Variants in LIG1 observed in about 807,000 individuals in gnomAD.
LIG1 encodes the protein DNA ligase 1.
In LIG1, 70 loss-of-function variants were observed where a neutral mutation model predicts 115.7. The observed-to-expected ratio is 0.60, with a 90% CI of 0.50 to 0.74. The LOEUF (loss-of-function observed/expected upper bound fraction) is 0.74, where lower values mean the gene tolerates loss of function less well. LIG1 is among the 30% of genes least tolerant of loss of function. The probability of loss-of-function intolerance (pLI) is 0.00; values close to 1 mark genes in which losing one functional copy is unlikely to be tolerated. For missense variants in LIG1, 1,115 were observed against 1,225.6 expected, an observed-to-expected ratio of 0.91 and a Z score of 1.35; for synonymous variants, 487 against 495.3, an observed-to-expected ratio of 0.98 and a Z score of 0.22.
chr19:48,137,201 A>AT lies in LIG1; in HGVS notation c.1255-118dup. On this transcript the variant is annotated intron_variant, in intron 13 of 27. Coordinates refer to ENST00000263274, the MANE Select transcript of LIG1 (RefSeq NM_000234.3). The surrounding 1 kb of genome is among the most constrained non-coding windows in gnomAD (Gnocchi z 4.3). The stretch of plus-strand genomic sequence containing the variant: ...ATACCTGCCCTCCTTCCCTCACCCC[A>AT]TCCCCATGTCCCAGCTCCCATGGCC... 1 of 899,764 alleles carries AT rather than the reference A, an allele frequency of 1.1e-6. No homozygotes were observed. The highest frequency in any genetic ancestry group is 1.4e-5 in the South Asian group (1 of 69,768). The allele number at this position is 899,764 out of a possible 1,614,324, so 55.7% of individuals were successfully genotyped here.
rs979142743 is a variant in LIG1, at chr19:48,137,407, T to A, written c.1254+115A>T. 8 of 1,328,804 alleles carry A rather than the reference T, an allele frequency of 6.0e-6. No individual in the cohort carries two copies. Among genetic ancestry groups the A allele is most frequent in the Non-Finnish European group, 8.4e-6 (8 of 958,076 alleles). The allele number at this position is 1,328,804 out of a possible 1,614,324, so 82.3% of individuals were successfully genotyped here. A position where few individuals can be genotyped will look rare whatever the true frequency, so the allele number is the denominator to read the frequency against. ...GGAGGAGAGGAAGCTGTGCACCCCA[T>A]GAGAAGGACTGATGCGACCCAGCTG... On this transcript the variant is annotated intron_variant, in intron 13 of 27. Transcript: ENST00000263274. The surrounding 1 kb of genome is among the most constrained non-coding windows in gnomAD (Gnocchi z 4.3).
intron 1 of LIG1, 46 bp from the exon 2 acceptor site, chr19:48,165,669 A>G: frequency 1.5e-6 from 2 of 1,357,850 alleles, no homozygotes; most frequent in Non-Finnish European, 2.1e-6. Flanking sequence ...GGTTGTGCAG[A>G]GATCTAAACA....
chr19:48,123,375 A>G, intron 21 of LIG1, 57 bp from the exon 22 acceptor site: 1 of 1,593,080 alleles, frequency 6.3e-7, no homozygotes, highest in Non-Finnish European at 8.5e-7. Flanking sequence ...TAAAGACAAT[A>G]AGCCCTAAAT....
At chr19:48,130,607 AG>A (rs1234259400) in intron 19 of LIG1, among the ~76,000 whole-genome samples, 1 of 152,130 alleles carries the variant, frequency 6.6e-6, no homozygotes, top group East Asian at 1.9e-4. Context: ...TTGTTGCACT[AG>A]GGTGGCCATG....
chr19:48,164,508 T>A (rs1227137587), intron 2 of LIG1, among the ~76,000 whole-genome samples: 1 of 152,182 alleles, frequency 6.6e-6, no homozygotes, highest in Admixed American at 6.5e-5. Context: ...GGACACGTGA[T>A]CCAGGCTGCA....
At chr19:48,144,096 C>T (rs2034961459) in intron 9 of LIG1, 133 bp from the exon 10 acceptor site, 1 of 771,872 alleles carries the variant, frequency 1.3e-6, no homozygotes, top group Non-Finnish European at 2.3e-6. Context: ...GTTTGCTAAC[C>T]TGGAGCTCAC....
chr19:48,163,762 T>C (rs960990647), intron 2 of LIG1, among the ~76,000 whole-genome samples: 2 of 151,898 alleles, frequency 1.3e-5, no homozygotes, highest in Non-Finnish European at 2.9e-5. Flanking sequence ...GCTAACACGG[T>C]GAAACCCTGC....
At chr19:48,157,197 C>A in intron 4 of LIG1, 57 bp from the exon 5 acceptor site, 2 of 1,555,854 alleles carry the variant, frequency 1.3e-6, no homozygotes, top group South Asian at 1.2e-5. Context: ...CTCCATTTTC[C>A]AAAAGTTGAG....
chr19:48,169,916 C>CCA (rs1362092369), intron 1 of LIG1: 1 of 147,914 alleles, frequency 6.8e-6, no homozygotes, highest in Non-Finnish European at 1.5e-5. Flanking sequence ...AGTTTTCCCC[C>CCA]CCCCGGCCCC....
At chr19:48,155,886 A>T (rs566410935) in intron 5 of LIG1, among the ~76,000 whole-genome samples, 1 of 152,346 alleles carries the variant, frequency 6.6e-6, no homozygotes, top group African/African-American at 2.4e-5. Context: ...TTACGCACTG[A>T]ATCACATATT....
intron 3 of LIG1, 22 bp from the exon 4 acceptor site, chr19:48,161,529 G>A (rs187983593): frequency 1.4e-5 from 23 of 1,613,644 alleles, no homozygotes; most frequent in Non-Finnish European, 8.5e-7. Context: ...GGAAATGGGG[G>A]TGTAAAGGGG....
chr19:48,166,127 T>G (rs772830423), intron 1 of LIG1, among the ~76,000 whole-genome samples: 2 of 152,214 alleles, frequency 1.3e-5, no homozygotes, highest in African/African-American at 4.8e-5. Context: ...TCAGGCACAG[T>G]AGCTCACGCC....
At chr19:48,119,300 G>C (rs937737886) in intron 24 of LIG1, 110 bp from the exon 25 acceptor site, 1 of 868,312 alleles carries the variant, frequency 1.2e-6, no homozygotes, top group Non-Finnish European at 1.9e-6. Context: ...TCTGGTCTAC[G>C]CAGTATCCAC....
At chr19:48,157,885 G>A (rs1456366092) in intron 4 of LIG1, among the ~76,000 whole-genome samples, 5 of 152,166 alleles carry the variant, frequency 3.3e-5, no homozygotes, top group African/African-American at 9.7e-5. Context: ...CCTCCAGATC[G>A]CATGTTGCAA....
chr19:48,155,584 C>T (rs1425251171), intron 5 of LIG1, among the ~76,000 whole-genome samples: 2 of 152,198 alleles, frequency 1.3e-5, no homozygotes, highest in Non-Finnish European at 2.9e-5. Flanking sequence ...ATGGAAAGAT[C>T]TGGCAAGCCA....
rs1284521628 is a variant in LIG1 at position 48,167,846 on chromosome 19, A to AC, written c.-57-2224_-57-2223insG. On this transcript the variant is annotated intron_variant, in intron 1 of 27. Transcript: ENST00000263274. Reference sequence around the variant, plus strand: ...GTCTTAAAAAAAAAAAAAAAAAAAAAAAAACAAACAAAAAAGAAACTCAGC... The same window carrying AC: ...GTCTTAAAAAAAAAAAAAAAAAAAAACAAAACAAACAAAAAAGAAACTCAGC... Among the ~76,000 whole-genome samples the AC allele has an allele frequency of 3.3e-4, 50 of 151,256 alleles. 1 individual carries two copies. In the South Asian group the frequency reaches 0.011, roughly 32 times the overall value.
At chr19:48,162,858 G>T (rs542117511) in intron 2 of LIG1, among the ~76,000 whole-genome samples, 1 of 151,938 alleles carries the variant, frequency 6.6e-6, no homozygotes, top group Non-Finnish European at 1.5e-5. Context: ...CTGCCCTAAC[G>T]CACCTGCAAG....
intron 9 of LIG1, among the ~76,000 whole-genome samples, chr19:48,145,098 C>G (rs924491398): frequency 6.6e-6 from 1 of 152,170 alleles, no homozygotes; most frequent in Non-Finnish European, 1.5e-5. Context: ...GGGGTTTTGC[C>G]GTGTTGCACA....
At chr19:48,157,965 A>AT (rs1308771233) in intron 4 of LIG1, among the ~76,000 whole-genome samples, 1 of 152,100 alleles carries the variant, frequency 6.6e-6, no homozygotes, top group Non-Finnish European at 1.5e-5. Flanking sequence ...TCCCTCATGA[A>AT]TGGCTTGTAC....
Sources: allele counts gnomAD v4.1 joint callset (sites outside exome capture counted in the v4.1 genomes callset), GRCh38; gene constraint gnomAD v4.1.1; non-coding constraint Gnocchi (gnomAD v3.1); transcripts MANE v1.5; gene names NCBI Gene and HGNC (gene_info 2026-07-23, HGNC 2026-07-21).